The following FMNL2 variants were observed in gnomAD, a reference collection of about 807,000 sequenced individuals.
FMNL2 encodes formin like 2.
Under a neutral mutation model 130.2 loss-of-function variants are expected in FMNL2, and 51 were observed. The observed-to-expected ratio is 0.39, with a 90% confidence interval of 0.31 to 0.49. FMNL2 has a LOEUF of 0.49. Among genes scored for constraint, FMNL2 ranks in the 20% least tolerant of loss-of-function variants. The pLI is 0.85. For missense variants in FMNL2, 977 were observed against 1,316.2 expected, an observed-to-expected ratio of 0.74 and a Z score of 3.99; for synonymous variants, 465 against 467.1, an observed-to-expected ratio of 1.00 and a Z score of 0.06.
At chr2:152,646,956 T>C (rs1158340331) in intron 25 of FMNL2, among the ~76,000 whole-genome samples, 1 of 152,186 alleles carries the variant, frequency 6.6e-6, no homozygotes, top group Non-Finnish European at 1.5e-5. Context: ...TCCCACTTCA[T>C]CCTGACAGAG....
At chr2:152,447,943 A>T (rs1369781511) in intron 1 of FMNL2, among the ~76,000 whole-genome samples, 2 of 152,236 alleles carry the variant, frequency 1.3e-5, no homozygotes, top group Non-Finnish European at 2.9e-5. Flanking sequence ...GAAAATATTT[A>T]TAAAATGTAA....
chr2:152,351,751 T>G (rs564887021), intron 1 of FMNL2, among the ~76,000 whole-genome samples: 52 of 152,310 alleles, frequency 3.4e-4, no homozygotes, highest in African/African-American at 1.2e-3. Context: ...GTATTTCTGG[T>G]TCTAGATCCT....
chr2:152,361,963 A>ATATATTTTTCC (rs1683206712), intron 1 of FMNL2, among the ~76,000 whole-genome samples: 4 of 152,212 alleles, frequency 2.6e-5, no homozygotes, highest in Admixed American at 2.6e-4. Flanking sequence ...CCATTAGTAC[A>ATATATTTTTCC]CATAATATAT....
intron 15 of FMNL2, chr2:152,622,469 G>A (rs1314705139): frequency 2.2e-6 from 1 of 456,584 alleles, no homozygotes; most frequent in Non-Finnish European, 4.4e-6. Context: ...GTGAACTGCT[G>A]AGCCACTTGA....
intron 1 of FMNL2, among the ~76,000 whole-genome samples, chr2:152,509,857 G>A (rs1275544887): frequency 7.1e-6 from 1 of 140,122 alleles, no homozygotes; most frequent in Non-Finnish European, 1.5e-5. Flanking sequence ...TGATCCTCCT[G>A]CCCCAGCCTC....
At chr2:152,500,367 T>C (rs1313791451) in intron 1 of FMNL2, among the ~76,000 whole-genome samples, 1 of 152,198 alleles carries the variant, frequency 6.6e-6, no homozygotes, top group Non-Finnish European at 1.5e-5. Context: ...AAAAATGTCG[T>C]GTTCTATCTC....
intron 9 of FMNL2, among the ~76,000 whole-genome samples, chr2:152,599,535 C>A (rs1371692929): frequency 7.2e-6 from 1 of 139,328 alleles, no homozygotes; most frequent in Non-Finnish European, 1.5e-5. Context: ...TCTTTGGGTT[C>A]TTTATTCAGT....
intron 1 of FMNL2, among the ~76,000 whole-genome samples, chr2:152,375,875 C>CTATATATATATATATA (rs71394478): frequency 2.0e-3 from 224 of 112,704 alleles, no homozygotes; most frequent in Middle Eastern, 4.4e-3. Flanking sequence ...CTCTCTCTCT[C>CTATATATATATATATA]TCTATATATA....
intron 1 of FMNL2, among the ~76,000 whole-genome samples, chr2:152,401,542 A>C (rs1283352885): frequency 6.6e-6 from 1 of 152,168 alleles, no homozygotes; most frequent in Non-Finnish European, 1.5e-5. Flanking sequence ...TGGAGGCAAA[A>C]AGCTTTAATC....
chr2:152,415,165 C>T (rs1367562862), intron 1 of FMNL2, among the ~76,000 whole-genome samples: 1 of 131,040 alleles, frequency 7.6e-6, no homozygotes, highest in Non-Finnish European at 1.6e-5. Flanking sequence ...AGTTCTGATA[C>T]ATTAAAAAAA....
At chr2:152,527,944 G>A (rs971312869) in intron 2 of FMNL2, among the ~76,000 whole-genome samples, 3 of 152,148 alleles carry the variant, frequency 2.0e-5, no homozygotes, top group African/African-American at 7.2e-5. Context: ...GGAAGTGCAT[G>A]CAAAAGGTTT....
At chr2:152,596,360 G>A (rs1297445165) in intron 9 of FMNL2, among the ~76,000 whole-genome samples, 1 of 152,040 alleles carries the variant, frequency 6.6e-6, no homozygotes, top group Non-Finnish European at 1.5e-5. Context: ...ATGCAGAGAT[G>A]GTACATTTAG....
chr2:152,553,399 C>T (rs1297592755), intron 4 of FMNL2, among the ~76,000 whole-genome samples: 1 of 151,672 alleles, frequency 6.6e-6, no homozygotes, highest in Admixed American at 6.6e-5. Flanking sequence ...GACCATTAGC[C>T]CTGAATCCCT....
intron 6 of FMNL2, among the ~76,000 whole-genome samples, chr2:152,570,979 A>C (rs1696141332): frequency 6.6e-6 from 1 of 152,216 alleles, no homozygotes; most frequent in African/African-American, 2.4e-5. Flanking sequence ...GCATCTATTC[A>C]GGAAAAGGGA....
intron 4 of FMNL2, among the ~76,000 whole-genome samples, chr2:152,558,473 A>G (rs1351964294): frequency 6.6e-6 from 1 of 152,210 alleles, no homozygotes; most frequent in African/African-American, 2.4e-5. Flanking sequence ...CTTACAGATT[A>G]TCTTAAATCC....
In FMNL2 at chr2:152,335,388, C is replaced by T; in HGVS notation, c.-216C>T. The T allele has an allele frequency of 3.6e-6, 1 of 277,748 alleles. No homozygotes were observed. Among genetic ancestry groups the T allele is most frequent in the Non-Finnish European group, 6.6e-6 (1 of 151,546 alleles). 17.2% of individuals were successfully genotyped at this position (277,748 alleles called of 1,614,324 possible). On this transcript the variant is annotated 5_prime_UTR_variant, in exon 1 of 26. Transcript: ENST00000288670. Reference sequence around the variant, plus strand: ...CCGAGGAAAAGAGGCCGGGGCCGCGCTGGGGCGGCGGAGAGCATGAGGGAG... The same window carrying T: ...CCGAGGAAAAGAGGCCGGGGCCGCGTTGGGGCGGCGGAGAGCATGAGGGAG...
chr2:152,640,692 A>G, intron 24 of FMNL2, 99 bp from the exon 25 acceptor site: 4 of 1,443,536 alleles, frequency 2.8e-6, no homozygotes, highest in Non-Finnish European at 3.7e-6. Context: ...TTTTGGCCGA[A>G]GCTGCTTATT....
At chr2:152,411,527 A>G (rs979784000) in intron 1 of FMNL2, among the ~76,000 whole-genome samples, 2 of 152,184 alleles carry the variant, frequency 1.3e-5, no homozygotes, top group South Asian at 2.1e-4. Context: ...CACTCCTCCC[A>G]TCTCCTTCCT....
At chr2:152,478,244 A>ATT (rs1386372956) in intron 1 of FMNL2, among the ~76,000 whole-genome samples, 10 of 38,526 alleles carry the variant, frequency 2.6e-4, no homozygotes, top group Non-Finnish European at 3.1e-4. Flanking sequence ...ATATATATAT[A>ATT]TATATATTTT....
Sources: allele counts gnomAD v4.1 joint callset (sites outside exome capture counted in the v4.1 genomes callset), GRCh38; gene constraint gnomAD v4.1.1; transcripts MANE v1.5; gene names NCBI Gene and HGNC (gene_info 2026-07-23, HGNC 2026-07-21).